The following CDK14 variants were observed in gnomAD, a reference collection of about 807,000 sequenced individuals.
CDK14 encodes the protein cyclin-dependent kinase 14.
A neutral mutation model predicts 60.7 loss-of-function variants in CDK14; 34 were observed. That is an observed-to-expected ratio of 0.56 (90% CI 0.43 to 0.75). CDK14 has a LOEUF of 0.75. CDK14 is among the 30% of genes least tolerant of loss of function. CDK14 has a pLI of 0.00. For synonymous variants in CDK14, 197 were observed against 203.7 expected (o/e 0.97, Z 0.28); for missense variants, 482 against 564.1 (o/e 0.85, Z 1.47).
intron 14 of CDK14, among the ~76,000 whole-genome samples, chr7:91,176,350 G>A (rs1801754506): frequency 6.6e-6 from 1 of 152,168 alleles, no homozygotes; most frequent in African/African-American, 2.4e-5. Context: ...GCCCACAAGA[G>A]AAAGCAGGAA....
intron 14 of CDK14, among the ~76,000 whole-genome samples, chr7:91,169,736 T>G (rs1004922480): frequency 6.6e-6 from 1 of 152,228 alleles, no homozygotes; most frequent in African/African-American, 2.4e-5. Flanking sequence ...GAAACTCGAT[T>G]TGTGTTTAAG....
chr7:90,605,567 A>G (rs1335866756), intron 2 of CDK14, among the ~76,000 whole-genome samples: 1 of 152,164 alleles, frequency 6.6e-6, no homozygotes, highest in Non-Finnish European at 1.5e-5. Context: ...TTCAGGAGCA[A>G]TCAATATGAG....
chr7:91,189,747 G>C (rs200988708), intron 14 of CDK14, among the ~76,000 whole-genome samples: 1 of 152,142 alleles, frequency 6.6e-6, no homozygotes, highest in Non-Finnish European at 1.5e-5. Context: ...TGTATGGCTT[G>C]TGGTATTTTT....
intron 2 of CDK14, among the ~76,000 whole-genome samples, chr7:90,674,386 T>C (rs1046545792): frequency 3.3e-5 from 5 of 152,130 alleles, no homozygotes; most frequent in African/African-American, 9.7e-5. Context: ...GTAAATCTTA[T>C]CAGTCTTGAG....
rs1793789671 is a variant in CDK14, at chr7:90,937,439, T to C, written c.827-18258T>C. Among the ~76,000 whole-genome samples the C allele has an allele frequency of 1.3e-5, 2 of 152,250 alleles. 1 individual carries two copies. Among genetic ancestry groups the C allele is most frequent in the South Asian group, 4.1e-4 (2 of 4,832 alleles). The stretch of plus-strand genomic sequence containing the variant: ...AAACCACCTCCACAATCAAGTTTTG[T>C]AGAACACTTTCATCATCTCAGAAAG... On this transcript the variant is annotated intron_variant, in intron 8 of 14. Coordinates refer to ENST00000380050, the MANE Select transcript of CDK14 (RefSeq NM_001287135.2).
chr7:90,728,395 A>AT (rs1802719083), intron 3 of CDK14, among the ~76,000 whole-genome samples: 1 of 151,316 alleles, frequency 6.6e-6, no homozygotes, highest in Admixed American at 6.6e-5. Context: ...TTTCCCTATT[A>AT]TTTTAAATCT....
chr7:91,029,631 C>CCCTCTCCCCTCTCG (rs1274862984), intron 10 of CDK14, among the ~76,000 whole-genome samples: 2 of 150,778 alleles, frequency 1.3e-5, no homozygotes, highest in Admixed American at 1.3e-4. Flanking sequence ...CTCTCCTCTC[C>CCCTCTCCCCTCTCG]CCTCTCCCCT....
chr7:90,619,761 C>T (rs551243359), intron 2 of CDK14, among the ~76,000 whole-genome samples: 88 of 152,216 alleles, frequency 5.8e-4, no homozygotes, highest in African/African-American at 2.0e-3. Context: ...TTTGGGAGGA[C>T]GAGGTGGGCG....
At chr7:90,979,104 A>G (rs991759387) in intron 9 of CDK14, among the ~76,000 whole-genome samples, 3 of 152,148 alleles carry the variant, frequency 2.0e-5, no homozygotes, top group African/African-American at 7.2e-5. Context: ...GCAGCCATAC[A>G]TGGTACCTAA....
intron 8 of CDK14, among the ~76,000 whole-genome samples, chr7:90,937,740 C>G (rs1264745731): frequency 6.6e-6 from 1 of 152,196 alleles, no homozygotes; most frequent in Non-Finnish European, 1.5e-5. Context: ...ACCATCTCAA[C>G]AAATGGATGT....
intron 12 of CDK14, among the ~76,000 whole-genome samples, chr7:91,106,586 T>A (rs1031548444): frequency 6.6e-6 from 1 of 152,068 alleles, no homozygotes; most frequent in African/African-American, 2.4e-5. Context: ...AAATAAAATA[T>A]TAGACAATAA....
chr7:91,147,683 T>TG (rs1189580128), intron 14 of CDK14, among the ~76,000 whole-genome samples: 2 of 152,190 alleles, frequency 1.3e-5, no homozygotes, highest in African/African-American at 4.8e-5. Flanking sequence ...ACTGTCTACT[T>TG]GCTATATTTG....
chr7:90,718,450 A>G, intron 2 of CDK14, among the ~76,000 whole-genome samples: 1 of 152,130 alleles, frequency 6.6e-6, no homozygotes, highest in East Asian at 1.9e-4. Context: ...TCATAGTAGA[A>G]CATTAGAGCT....
At chr7:90,860,167 G>A (rs76789669) in intron 5 of CDK14, among the ~76,000 whole-genome samples, 4,615 of 152,062 alleles carry the variant, frequency 0.03, 228 homozygotes, top group African/African-American at 0.1. Context: ...CTCATATATT[G>A]ATTTAATAAA....
At chr7:91,157,078 T>C (rs186488530) in intron 14 of CDK14, among the ~76,000 whole-genome samples, 5 of 152,326 alleles carry the variant, frequency 3.3e-5, no homozygotes, top group Non-Finnish European at 7.3e-5. Context: ...GTTGGGAATT[T>C]GGCTCTGAAT....
chr7:91,057,042 C>G (rs1331396012), intron 11 of CDK14, among the ~76,000 whole-genome samples: 2 of 152,078 alleles, frequency 1.3e-5, no homozygotes, highest in African/African-American at 2.4e-5. Flanking sequence ...AAAAGTGTTC[C>G]TATTTCTCCA....
intron 3 of CDK14, among the ~76,000 whole-genome samples, chr7:90,733,041 C>T (rs973539440): frequency 1.3e-5 from 2 of 151,986 alleles, no homozygotes; most frequent in Non-Finnish European, 2.9e-5. Context: ...TATGTTGTGT[C>T]TTTGTTCTCG....
chr7:90,962,049 G>A (rs192659492), intron 9 of CDK14, among the ~76,000 whole-genome samples: 2 of 152,294 alleles, frequency 1.3e-5, no homozygotes, highest in Admixed American at 6.5e-5. Flanking sequence ...CAAACTTAAT[G>A]TTACATTGCC....
intron 2 of CDK14, among the ~76,000 whole-genome samples, chr7:90,606,077 T>A (rs532876686): frequency 6.6e-6 from 1 of 152,320 alleles, no homozygotes; most frequent in Admixed American, 6.5e-5. Flanking sequence ...CAAGAGATTG[T>A]AAACTATCAC....
Sources: gnomAD v4.1 joint callset for allele counts (sites outside exome capture counted in the v4.1 genomes callset) on GRCh38, gnomAD v4.1.1 for gene constraint, MANE v1.5 for transcripts, NCBI Gene and HGNC (gene_info 2026-07-23, HGNC 2026-07-21) for gene names.